SGCZ: variants seen among roughly 807,000 people sequenced by gnomAD.
SGCZ encodes the protein zeta-sarcoglycan.
A neutral mutation model predicts 41.3 loss-of-function variants in SGCZ; 40 were observed. That is an observed-to-expected ratio of 0.97 (90% CI 0.75 to 1.26). The LOEUF is 1.26. Ranked by LOEUF, SGCZ falls within the 50% of genes most tolerant of loss-of-function variation. The pLI is 0.00. For synonymous variants in SGCZ, 206 were observed against 137.5 expected (o/e 1.50, Z -3.49); for missense variants, 552 against 369.8 (o/e 1.49, Z -4.04).
chr8:14,104,904 C>T (rs1802154753), intron 6 of SGCZ, among the ~76,000 whole-genome samples: 1 of 152,020 alleles, frequency 6.6e-6, no homozygotes, highest in South Asian at 2.1e-4. Flanking sequence ...AATGAATTAA[C>T]ATTTATTTTC....
At chr8:14,955,004 T>G (rs1347615430) in intron 1 of SGCZ, among the ~76,000 whole-genome samples, 2 of 152,176 alleles carry the variant, frequency 1.3e-5, no homozygotes, top group Non-Finnish European at 2.9e-5. Flanking sequence ...ACATTTTCCT[T>G]TATGTATAGC....
At chr8:14,856,997 G>C (rs1036747206) in intron 1 of SGCZ, among the ~76,000 whole-genome samples, 3 of 152,156 alleles carry the variant, frequency 2.0e-5, no homozygotes, top group African/African-American at 7.2e-5. Flanking sequence ...CAGTGTTGGA[G>C]GAGGGGCCTG....
chr8:14,594,782 A>C (rs191197938), intron 1 of SGCZ, among the ~76,000 whole-genome samples: 2 of 152,008 alleles, frequency 1.3e-5, no homozygotes, highest in Admixed American at 6.5e-5. Flanking sequence ...AATTCTAGTA[A>C]TTCAGTGTTT....
At chr8:14,695,695 GCACACA>G (rs113536498) in intron 1 of SGCZ, among the ~76,000 whole-genome samples, 1 of 124,850 alleles carries the variant, frequency 8.0e-6, no homozygotes, top group South Asian at 2.8e-4. Flanking sequence ...ACATGCACAC[GCACACA>G]CACACACACA....
intron 1 of SGCZ, among the ~76,000 whole-genome samples, chr8:14,747,730 T>A (rs1215058097): frequency 6.7e-6 from 1 of 149,334 alleles, no homozygotes; most frequent in African/African-American, 2.5e-5. Flanking sequence ...TGTGTGTGTG[T>A]GTGAGACTGA....
chr8:14,504,568 C>T (rs541236833), intron 2 of SGCZ, among the ~76,000 whole-genome samples: 59 of 152,158 alleles, frequency 3.9e-4, no homozygotes, highest in East Asian at 2.3e-3. Context: ...CTTTCTTCTG[C>T]GTTATTGCCT....
intron 5 of SGCZ, among the ~76,000 whole-genome samples, chr8:14,113,656 G>A (rs1327421270): frequency 2.0e-5 from 3 of 151,960 alleles, no homozygotes; most frequent in Non-Finnish European, 2.9e-5. Context: ...CCTTATTAGC[G>A]TACTTGTTTC....
At chr8:14,549,096 T>C (rs1219520445) in intron 2 of SGCZ, among the ~76,000 whole-genome samples, 3 of 152,202 alleles carry the variant, frequency 2.0e-5, no homozygotes, top group Admixed American at 6.6e-5. Flanking sequence ...TACCAGCATA[T>C]CTTGCCTTAA....
At chr8:14,234,509 C>T (rs28490442) in intron 4 of SGCZ, among the ~76,000 whole-genome samples, 1,630 of 152,052 alleles carry the variant, frequency 0.011, 25 homozygotes, top group African/African-American at 0.037. Flanking sequence ...TAACAGAAAT[C>T]GATGCATTCT....
intron 1 of SGCZ, among the ~76,000 whole-genome samples, chr8:14,705,893 T>A (rs951467777): frequency 6.6e-6 from 1 of 152,058 alleles, no homozygotes; most frequent in Non-Finnish European, 1.5e-5. Context: ...TTAGAGAAAG[T>A]CTCTCTTCCC....
intron 4 of SGCZ, chr8:14,164,908 T>A: frequency 1.7e-6 from 1 of 575,018 alleles, no homozygotes; most frequent in African/African-American, 1.9e-5. Flanking sequence ...TGGTTAGGCA[T>A]ACAGGTGACC....
intron 1 of SGCZ, among the ~76,000 whole-genome samples, chr8:14,735,072 G>A (rs375104692): frequency 5.3e-5 from 8 of 152,242 alleles, no homozygotes; most frequent in African/African-American, 1.7e-4. Context: ...CTGAGTGCAG[G>A]AGTATCAATT....
intron 1 of SGCZ, among the ~76,000 whole-genome samples, chr8:14,792,496 A>C (rs181897576): frequency 6.6e-6 from 1 of 152,184 alleles, no homozygotes; most frequent in African/African-American, 2.4e-5. Context: ...ATAATCTTCA[A>C]ATTGTAAAAT....
intron 1 of SGCZ, among the ~76,000 whole-genome samples, chr8:14,579,491 G>A (rs957969056): frequency 2.6e-5 from 4 of 151,974 alleles, no homozygotes; most frequent in East Asian, 1.9e-4. Context: ...TATTTGCATC[G>A]ATAACTGAAT....
rs540343088 is a variant in SGCZ, at chr8:14,124,073, A to G, written c.548-15838T>C. ...ATTGACTCAGAAGGGAGCTCAGACCAGGAATCACCTTGATATCATCTTAGT... is the reference window on the plus strand; with the variant it reads ...ATTGACTCAGAAGGGAGCTCAGACCGGGAATCACCTTGATATCATCTTAGT... On this transcript the variant is annotated intron_variant, in intron 5 of 7. Transcript: ENST00000382080. 1.3e-4 allele frequency among the ~76,000 whole-genome samples: 20 copies of G among 152,328 alleles called. No individual in the cohort carries two copies. The South Asian group carries it at 4.1e-3, about 32-fold the overall frequency.
chr8:14,394,788 T>G (rs1798859110), intron 2 of SGCZ, among the ~76,000 whole-genome samples: 2 of 151,948 alleles, frequency 1.3e-5, no homozygotes, highest in African/African-American at 4.8e-5. Flanking sequence ...ATCATGAAGG[T>G]AAAAAAAGGC....
At chr8:14,808,984 A>C (rs1801650168) in intron 1 of SGCZ, among the ~76,000 whole-genome samples, 1 of 151,412 alleles carries the variant, frequency 6.6e-6, no homozygotes, top group Admixed American at 6.6e-5. Flanking sequence ...GCAAGAACAA[A>C]AAACCAAACA....
chr8:14,934,225 C>G (rs1428372273), intron 1 of SGCZ, among the ~76,000 whole-genome samples: 1 of 151,754 alleles, frequency 6.6e-6, no homozygotes, highest in Non-Finnish European at 1.5e-5. Context: ...AATAGGGCAC[C>G]ACCGCATGAA....
chr8:14,926,073 A>G (rs1043300429), intron 1 of SGCZ, among the ~76,000 whole-genome samples: 17 of 152,230 alleles, frequency 1.1e-4, no homozygotes, highest in Non-Finnish European at 4.4e-5. Flanking sequence ...AAAAAGATAA[A>G]TCAGGATTAA....
Sources: gnomAD v4.1 joint callset for allele counts (sites outside exome capture counted in the v4.1 genomes callset) on GRCh38, gnomAD v4.1.1 for gene constraint, MANE v1.5 for transcripts, NCBI Gene and HGNC (gene_info 2026-07-23, HGNC 2026-07-21) for gene names.